The following BTRC variants were observed in gnomAD, a reference collection of about 807,000 sequenced individuals.
The protein encoded by BTRC is beta-transducin repeat containing E3 ubiquitin protein ligase.
Under a neutral mutation model 85.5 loss-of-function variants are expected in BTRC, and 42 were observed. The observed-to-expected ratio is 0.49, with a 90% CI of 0.38 to 0.64. BTRC has a LOEUF of 0.64. Ranked by LOEUF, BTRC falls within the 30% of genes least tolerant of loss-of-function variation. The pLI is 0.00. For synonymous variants in BTRC, 255 were observed against 263.3 expected (o/e 0.97, Z 0.30); for missense variants, 594 against 743.5 (o/e 0.80, Z 2.34).
intron 1 of BTRC, among the ~76,000 whole-genome samples, chr10:101,407,793 G>A (rs986723718): frequency 6.6e-6 from 1 of 151,504 alleles, no homozygotes; most frequent in Non-Finnish European, 1.5e-5. Flanking sequence ...CGCAATCTCG[G>A]CTCATTGCAA....
At chr10:101,355,588 A>G (rs72847884) in intron 1 of BTRC, among the ~76,000 whole-genome samples, 3,648 of 152,314 alleles carry the variant, frequency 0.024, 70 homozygotes, top group Non-Finnish European at 0.04. Flanking sequence ...TTTGCAGTCC[A>G]GTCTTGCTTT....
chr10:101,357,973 A>T (rs1301060184), intron 1 of BTRC, among the ~76,000 whole-genome samples: 1 of 152,250 alleles, frequency 6.6e-6, no homozygotes, highest in Admixed American at 6.5e-5. Flanking sequence ...AAAAGTATAA[A>T]TGGAAACTTG....
At chr10:101,431,367 G>A (rs4919545) in intron 2 of BTRC, among the ~76,000 whole-genome samples, 41,414 of 151,510 alleles carry the variant, frequency 0.27, 6,767 homozygotes, top group South Asian at 0.4. Context: ...AAGAACCACC[G>A]CACACAGACC....
chr10:101,392,366 T>A (rs1289819701), intron 1 of BTRC, among the ~76,000 whole-genome samples: 1 of 152,248 alleles, frequency 6.6e-6, no homozygotes, highest in Non-Finnish European at 1.5e-5. Context: ...GCAACCCCTT[T>A]GTGTTGTGGA....
intron 2 of BTRC, among the ~76,000 whole-genome samples, chr10:101,457,448 C>T (rs1386413691): frequency 6.6e-6 from 1 of 152,186 alleles, no homozygotes; most frequent in Non-Finnish European, 1.5e-5. Flanking sequence ...CTGGGCAGGA[C>T]AGAGCTACCA....
At chr10:101,412,832 A>G (rs1943818760) in intron 1 of BTRC, among the ~76,000 whole-genome samples, 2 of 152,246 alleles carry the variant, frequency 1.3e-5, no homozygotes, top group African/African-American at 4.8e-5. Flanking sequence ...GTTTATATAC[A>G]GACAATAAAG....
At chr10:101,456,305 T>A (rs551569922) in intron 2 of BTRC, among the ~76,000 whole-genome samples, 3 of 151,676 alleles carry the variant, frequency 2.0e-5, no homozygotes, top group Non-Finnish European at 2.9e-5. Context: ...TGGACTAGAG[T>A]AGAAGCAGTG....
intron 14 of BTRC, among the ~76,000 whole-genome samples, chr10:101,552,568 C>G (rs1050834607): frequency 6.6e-6 from 1 of 152,102 alleles, no homozygotes; most frequent in Non-Finnish European, 1.5e-5. Flanking sequence ...CAGATCTCAT[C>G]TCATTGTAGA....
chr10:101,381,048 C>A (rs1942915330), intron 1 of BTRC, among the ~76,000 whole-genome samples: 1 of 152,126 alleles, frequency 6.6e-6, no homozygotes, highest in Admixed American at 6.5e-5. Context: ...TGTTGCATAT[C>A]TGACCATACT....
chr10:101,416,028 A>C (rs186048187), intron 1 of BTRC, among the ~76,000 whole-genome samples: 2 of 152,292 alleles, frequency 1.3e-5, no homozygotes, highest in East Asian at 3.9e-4. Context: ...GTGTAAGTAC[A>C]CTGTGATCAC....
intron 1 of BTRC, among the ~76,000 whole-genome samples, chr10:101,371,382 G>A (rs760605692): frequency 2.0e-5 from 3 of 152,092 alleles, no homozygotes; most frequent in Non-Finnish European, 4.4e-5. Flanking sequence ...TCACCATGTT[G>A]GCCAGGCTGG....
chr10:101,532,157 A>C, intron 7 of BTRC, 138 bp from the exon 8 acceptor site: 2 of 805,714 alleles, frequency 2.5e-6, no homozygotes, highest in Non-Finnish European at 3.6e-6. Context: ...TAGCCTTTTA[A>C]AGACATTTTT....
At chr10:101,380,407 A>G (rs1348169293) in intron 1 of BTRC, among the ~76,000 whole-genome samples, 1 of 151,908 alleles carries the variant, frequency 6.6e-6, no homozygotes, top group Non-Finnish European at 1.5e-5. Flanking sequence ...GTAAACTTTA[A>G]TGTCAAAAAT....
Position 101,479,464 on chromosome 10 carries a change from A to G in BTRC, c.324+7A>G, listed in dbSNP as rs963486376. 2 of 1,605,236 alleles carry G rather than the reference A, an allele frequency of 1.2e-6. No homozygotes were observed. Among genetic ancestry groups the G allele is most frequent in the East Asian group, 2.2e-5 (1 of 44,734 alleles). ...TGAGAATTGTGTGGCCAAAGTAAGT[A>G]ATATTGCTCATCAATGTATATTACA... On this transcript the variant is annotated splice_region_variant and intron_variant, in intron 4 of 14. Transcript: ENST00000370187.
chr10:101,378,001 C>T (rs183922964), intron 1 of BTRC, among the ~76,000 whole-genome samples: 265 of 151,594 alleles, frequency 1.7e-3, no homozygotes, highest in Non-Finnish European at 2.9e-3. Flanking sequence ...AAGTGAGAAA[C>T]GCTTATGGAC....
chr10:101,459,086 C>T (rs1200597771), intron 2 of BTRC, among the ~76,000 whole-genome samples: 1 of 152,148 alleles, frequency 6.6e-6, no homozygotes, highest in Non-Finnish European at 1.5e-5. Flanking sequence ...ACGCATATGC[C>T]AAAGTACTAG....
chr10:101,521,311 A>C (rs1280772740), intron 4 of BTRC, among the ~76,000 whole-genome samples: 3 of 152,256 alleles, frequency 2.0e-5, no homozygotes, highest in African/African-American at 7.2e-5. Flanking sequence ...ATAAATGTCC[A>C]ACAACTGTTG....
intron 2 of BTRC, among the ~76,000 whole-genome samples, chr10:101,446,489 G>T (rs548553665): frequency 6.6e-6 from 1 of 152,128 alleles, no homozygotes; most frequent in African/African-American, 2.4e-5. Context: ...TTGTGACTAA[G>T]AATTATAATG....
At chr10:101,499,041 A>G (rs1946336789) in intron 4 of BTRC, among the ~76,000 whole-genome samples, 2 of 152,086 alleles carry the variant, frequency 1.3e-5, no homozygotes, top group Admixed American at 6.6e-5. Flanking sequence ...TTTAGTAACC[A>G]TGTACATGCT....
Sources: allele counts gnomAD v4.1 joint callset (sites outside exome capture counted in the v4.1 genomes callset), GRCh38; gene constraint gnomAD v4.1.1; transcripts MANE v1.5; gene names NCBI Gene and HGNC (gene_info 2026-07-23, HGNC 2026-07-21).